Variants in URB1 observed in about 807,000 individuals in gnomAD.
URB1 encodes URB1 ribosome biogenesis factor.
Under a neutral mutation model 242.3 loss-of-function variants are expected in URB1, and 197 were observed. That is an observed-to-expected ratio of 0.81 (90% CI 0.72 to 0.91). The LOEUF (loss-of-function observed/expected upper bound fraction) is 0.91, where lower values mean the gene tolerates loss of function less well. URB1 is among the 40% of genes least tolerant of loss of function. URB1 has a pLI of 0.00. For missense variants in URB1, 2,721 were observed against 2,860.5 expected (o/e 0.95, Z 1.11); for synonymous variants, 1,153 against 1,201.8 (o/e 0.96, Z 0.84).
At chr21:32,387,170 C>T (rs1429869395) in intron 1 of URB1, among the ~76,000 whole-genome samples, 1 of 152,144 alleles carries the variant, frequency 6.6e-6, no homozygotes, top group Non-Finnish European at 1.5e-5. Context: ...ATTAATACAA[C>T]CTCCCCTCCC....
At chr21:32,323,285 G>A (rs905151221) in intron 32 of URB1, among the ~76,000 whole-genome samples, 1 of 152,046 alleles carries the variant, frequency 6.6e-6, no homozygotes, top group Non-Finnish European at 1.5e-5. Flanking sequence ...AATTCTAATA[G>A]CAACTTGACT....
rs1329779573 is a variant in URB1, at chr21:32,352,746, G to A, written c.2577C>T (p.Tyr859=). 5.8e-6 allele frequency: 9 copies of A among 1,551,642 alleles called. No homozygotes were observed. The highest frequency in any genetic ancestry group is 1.2e-5 in the South Asian group (1 of 84,062). ...CQQLSRFNRY[Y]SLWIPEQARE... ...GGGCTTGCTCCGGGATCCAGAGGCT[G>A]TAGTATCTGTTAAACCGTGAGAGCT... Residue 859 remains tyrosine, a synonymous_variant, in exon 19 of 39, where the codon TAC becomes TAT. Coordinates refer to ENST00000382751, the MANE Select transcript of URB1 (RefSeq NM_014825.3).
rs778151089 is a variant in URB1, at chr21:32,347,725, C to T, written c.3099G>A (p.Pro1033=). 9 of 1,550,446 alleles carry T rather than the reference C, an allele frequency of 5.8e-6. No individual in the cohort carries two copies. Among genetic ancestry groups the T allele is most frequent in the South Asian group, 3.6e-5 (3 of 84,058 alleles). The change falls in exon 22 of 39, where the codon CCG becomes CCA. Residue 1033 remains proline, a synonymous_variant. Transcript: ENST00000382751. ...FLALEQQALP[P]HTLSPVLVKL... ...TCACGAGGACAGGGCTGAGCGTGTG[C>T]GGCGGGAGGGCCTGCTGCTCCAGGG...
chr21:32,317,759 T>C lies in URB1; in HGVS notation c.5951A>G (p.Lys1984Arg). ...GAGGTCTCTTTCAATGAGGCTCCAC[T>C]TGTGCAAGAGGACAAGGACGTCCTT... ...STKDVLVLLH[K>R]WSLIERDLKL... is the part of the protein sequence containing the mutation. Residue 1984 changes from lysine to arginine, a missense_variant, in exon 37 of 39, where the codon AAG becomes AGG. Lys to Arg is a conservative substitution (Grantham distance 26). Coordinates refer to ENST00000382751, the MANE Select transcript of URB1 (RefSeq NM_014825.3). 1 of 1,551,896 alleles carries C rather than the reference T, an allele frequency of 6.4e-7. No homozygotes were observed. Among genetic ancestry groups the C allele is most frequent in the Non-Finnish European group, 8.7e-7 (1 of 1,147,038 alleles).
In URB1 at chr21:32,361,092, A is replaced by C; in HGVS notation, c.1671T>G (p.Val557=). The change falls in exon 13 of 39, where the codon GTT becomes GTG. Residue 557 remains valine, a synonymous_variant. Transcript: ENST00000382751. ...DDAETILLKA[V]LLQVICLYQK... ...GGTAGAGGCATATGACCTGGAGCAA[A>C]ACAGCTTTCAAAAGAATGGTTTCTG... The C allele has an allele frequency of 6.5e-7, 1 of 1,549,412 alleles. No homozygotes were observed. The highest frequency in any genetic ancestry group is 2.0e-5 in the Admixed American group (1 of 50,568).
Position 32,347,500 on chromosome 21 carries a change from C to T in URB1, c.3324G>A (p.Leu1108=), listed in dbSNP as rs1478657119. ...CCTCCATGTATGGATGCAGCTCCTGCAGGGCCTCCAGCTGCGGCGGGGTCT... is the reference window on the plus strand; with the variant it reads ...CCTCCATGTATGGATGCAGCTCCTGTAGGGCCTCCAGCTGCGGCGGGGTCT... ...PPKTPPQLEA[L]QELHPYMEGA... is the part of the protein sequence containing the mutation. The change falls in exon 22 of 39, where the codon CTG becomes CTA. Residue 1108 remains leucine, a synonymous_variant. Coordinates refer to ENST00000382751, the MANE Select transcript of URB1 (RefSeq NM_014825.3). 6.4e-7 allele frequency: 1 copy of T among 1,551,250 alleles called. No homozygotes were observed. The highest frequency in any genetic ancestry group is 2.0e-5 in the Admixed American group (1 of 50,962).
intron 30 of URB1, among the ~76,000 whole-genome samples, chr21:32,331,236 T>C (rs2032889550): frequency 6.6e-6 from 1 of 152,128 alleles, no homozygotes; most frequent in Non-Finnish European, 1.5e-5. Context: ...CATGAGGAAC[T>C]GCAACAGTTC....
chr21:32,327,129 C>T (rs901058403), intron 30 of URB1, among the ~76,000 whole-genome samples: 1 of 152,000 alleles, frequency 6.6e-6, no homozygotes, highest in Non-Finnish European at 1.5e-5. Flanking sequence ...GAATATCATG[C>T]AAGCATCATC....
At position 32,326,637 on chromosome 21, in the gene URB1, G is replaced by C. The variant is rs573080523; in HGVS notation, c.4961-1248C>G. 2.0e-5 allele frequency among the ~76,000 whole-genome samples: 3 copies of C among 152,258 alleles called. No homozygotes were observed. In the South Asian group the frequency reaches 6.2e-4, roughly 32 times the overall value. Reference sequence around the variant, plus strand: ...TTCCCCTTGCTGTTCTCATGCTAGTGAGTTCTCACAAGAGCTGGTTGTTTA... The same window carrying C: ...TTCCCCTTGCTGTTCTCATGCTAGTCAGTTCTCACAAGAGCTGGTTGTTTA... On this transcript the variant is annotated intron_variant, in intron 30 of 38. Transcript: ENST00000382751.
intron 4 of URB1, among the ~76,000 whole-genome samples, chr21:32,381,110 C>A (rs1182636872): frequency 6.6e-6 from 1 of 152,206 alleles, no homozygotes; most frequent in Non-Finnish European, 1.5e-5. Context: ...ACTGTCGTGG[C>A]CCCCTGGGGC....
rs2033364890 is a variant in URB1 at position 32,368,006 on chromosome 21, G to T, written c.1197+397C>A. 2.0e-5 allele frequency among the ~76,000 whole-genome samples: 3 copies of T among 152,150 alleles called. No homozygotes were observed. The South Asian group carries it at 6.2e-4, about 31-fold the overall frequency. On this transcript the variant is annotated intron_variant, in intron 9 of 38. Coordinates refer to ENST00000382751, the MANE Select transcript of URB1 (RefSeq NM_014825.3). Reference sequence around the variant, plus strand: ...TTTATCCCTGAAAGGTCTTCATATTGTATAGTTTACCAGATGAGAATGTCT... The same window carrying T: ...TTTATCCCTGAAAGGTCTTCATATTTTATAGTTTACCAGATGAGAATGTCT...
Position 32,354,867 on chromosome 21 carries a change from T to C in URB1, c.2237A>G (p.His746Arg), listed in dbSNP as rs2033201053. Residue 746 changes from histidine to arginine, a missense_variant, in exon 17 of 39, where the codon CAC becomes CGC. His to Arg is a conservative substitution (Grantham distance 29, BLOSUM62 0). Transcript: ENST00000382751. ...EADDMSIPIS[H>R]IDDVLDMVDV... is the part of the protein sequence containing the mutation. ...AACAGAATGGAACATACCGTCAATG[T>C]GGGAGATGGGAATGCTCATGTCATC... is the stretch of plus-strand genomic sequence containing the variant. 6.4e-6 allele frequency: 10 copies of C among 1,552,302 alleles called. No homozygotes were observed. The highest frequency in any genetic ancestry group is 8.7e-6 in the Non-Finnish European group (10 of 1,147,114).
At chr21:32,318,660 C>T (rs147573971) in intron 36 of URB1, among the ~76,000 whole-genome samples, 177 of 152,298 alleles carry the variant, frequency 1.2e-3, no homozygotes, top group African/African-American at 4.0e-3. Context: ...AATGAGTGTA[C>T]ACAGTGTATT....
chr21:32,325,090 G>T, intron 31 of URB1, 139 bp downstream of exon 31: 1 of 1,119,348 alleles, frequency 8.9e-7, no homozygotes, highest in Non-Finnish European at 1.2e-6. Flanking sequence ...ACAGACTTTT[G>T]CTCTTCAGCA....
At chr21:32,369,424 C>G (rs1278065943) in intron 8 of URB1, among the ~76,000 whole-genome samples, 1 of 152,056 alleles carries the variant, frequency 6.6e-6, no homozygotes, top group Admixed American at 6.6e-5. Context: ...GCAGATAAGA[C>G]ATTTTTCTCT....
rs1010678532 is a variant in URB1 at position 32,337,529 on chromosome 21, C to T, written c.4511-15G>A. ...CACCAGCGCTTCTGCAAGAAAACAA[C>T]CCTGAAACACATGGCATGGTGGGGC... is the stretch of plus-strand genomic sequence containing the variant. On this transcript the variant is annotated splice_polypyrimidine_tract_variant and intron_variant, in intron 26 of 38. Coordinates refer to ENST00000382751, the MANE Select transcript of URB1 (RefSeq NM_014825.3). 2 of 1,548,826 alleles carry T rather than the reference C, an allele frequency of 1.3e-6. No homozygotes were observed. Among genetic ancestry groups the T allele is most frequent in the African/African-American group, 2.7e-5 (2 of 72,932 alleles).
intron 1 of URB1, among the ~76,000 whole-genome samples, chr21:32,388,479 G>A (rs1388660833): frequency 2.6e-5 from 4 of 152,168 alleles, no homozygotes; most frequent in African/African-American, 9.7e-5. Context: ...AGCAACCACC[G>A]CCATTCCTTT....
intron 6 of URB1, among the ~76,000 whole-genome samples, chr21:32,375,163 A>G (rs1168394309): frequency 6.6e-6 from 1 of 152,242 alleles, no homozygotes; most frequent in Admixed American, 6.5e-5. Flanking sequence ...CTGTAATAAA[A>G]CAGCAGCCAT....
chr21:32,331,131 C>T (rs1243825071), intron 30 of URB1, among the ~76,000 whole-genome samples: 1 of 152,190 alleles, frequency 6.6e-6, no homozygotes, highest in African/African-American at 2.4e-5. Context: ...GTCTGGGAGT[C>T]CATTCAGGGA....
Sources: allele counts gnomAD v4.1 joint callset (sites outside exome capture counted in the v4.1 genomes callset), GRCh38; gene constraint gnomAD v4.1.1; transcripts MANE v1.5; gene names NCBI Gene and HGNC (gene_info 2026-07-23, HGNC 2026-07-21).